Variants in FBP2 observed in about 807,000 individuals in gnomAD.
The protein encoded by FBP2 is fructose-bisphosphatase 2.
FBP2 carries 27 observed loss-of-function variants against 31.6 expected under a neutral mutation model. That is an observed-to-expected ratio of 0.85 (90% CI 0.63 to 1.18). FBP2 has a LOEUF of 1.18. Ranked by LOEUF, FBP2 falls within the 50% of genes most tolerant of loss-of-function variation. The pLI is 0.00. For synonymous variants in FBP2, 168 were observed against 179.8 expected (o/e 0.93, Z 0.53); for missense variants, 421 against 436.1 (o/e 0.97, Z 0.31).
rs149773069 is a variant in FBP2, at chr9:94,587,327, T to C, written c.313A>G (p.Ile105Val). Residue 105 changes from isoleucine to valine, a missense_variant, in exon 2 of 7, where the codon ATC becomes GTC. Physicochemically the swap from Ile to Val is conservative, Grantham distance 29 (BLOSUM62 3). Coordinates refer to ENST00000375337, the MANE Select transcript of FBP2 (RefSeq NM_003837.4). ...LVSEENKDAI[I>V]TAKEKRGKYV... is the part of the protein sequence containing the mutation. Reference sequence around the variant, plus strand: ...CGCACCCGCTTCTCCTTGGCGGTGATGATGGCGTCCTTATTCTCTTCTGAG... The same window carrying C: ...CGCACCCGCTTCTCCTTGGCGGTGACGATGGCGTCCTTATTCTCTTCTGAG... 1.2e-6 allele frequency: 2 copies of C among 1,611,884 alleles called. No individual in the cohort carries two copies. Among genetic ancestry groups the C allele is most frequent in the African/African-American group, 2.7e-5 (2 of 74,770 alleles).
chr9:94,582,605 T>G (rs568510149), intron 3 of FBP2, among the ~76,000 whole-genome samples: 1 of 149,784 alleles, frequency 6.7e-6, no homozygotes, highest in East Asian at 2.0e-4. Context: ...TAGAGTGCAG[T>G]GGCGCGATCT....
chr9:94,590,643 G>A (rs1028945695), intron 1 of FBP2, among the ~76,000 whole-genome samples: 1 of 152,180 alleles, frequency 6.6e-6, no homozygotes, highest in South Asian at 2.1e-4. Flanking sequence ...GAGTGTTACA[G>A]ATCATAAAAG....
intron 1 of FBP2, among the ~76,000 whole-genome samples, chr9:94,590,719 A>T (rs576800925): frequency 1.1e-3 from 170 of 152,332 alleles, no homozygotes; most frequent in African/African-American, 3.8e-3. Context: ...GTGTGGAAAG[A>T]GACCCAAACG....
chr9:94,590,774 T>G (rs183105619), intron 1 of FBP2, among the ~76,000 whole-genome samples: 156 of 152,356 alleles, frequency 1.0e-3, no homozygotes, highest in Admixed American at 1.8e-3. Flanking sequence ...TTCTCTTATC[T>G]GGCCCACCCA....
intron 6 of FBP2, among the ~76,000 whole-genome samples, chr9:94,560,784 A>G (rs1054464866): frequency 2.7e-5 from 4 of 148,208 alleles, no homozygotes; most frequent in Admixed American, 6.8e-5. Flanking sequence ...TATTTTTTCT[A>G]TTGTATATAT....
At chr9:94,561,612 G>T (rs533126699) in intron 6 of FBP2, among the ~76,000 whole-genome samples, 1 of 151,974 alleles carries the variant, frequency 6.6e-6, no homozygotes, top group Non-Finnish European at 1.5e-5. Flanking sequence ...TGATCCACCC[G>T]CCTTGGCCTC....
In FBP2 at chr9:94,577,444, A is replaced by G. The variant is rs897052883; in HGVS notation, c.427-5842T>C. ...GGGCAAATTACAACAAGAAAAATTC[A>G]GAGTTCAAATGGTTAACCTACACTG... On this transcript the variant is annotated intron_variant, in intron 3 of 6. Coordinates refer to ENST00000375337, the MANE Select transcript of FBP2 (RefSeq NM_003837.4). 7.9e-5 allele frequency: 12 copies of G among 152,362 alleles called. No homozygotes were observed. In the East Asian group the frequency reaches 2.3e-3, roughly 29 times the overall value. The allele number at this position is 152,362 out of a possible 1,614,324, so 9.4% of individuals were successfully genotyped here.
At chr9:94,580,676 G>A (rs1827365326) in intron 3 of FBP2, among the ~76,000 whole-genome samples, 1 of 152,026 alleles carries the variant, frequency 6.6e-6, no homozygotes, top group African/African-American at 2.4e-5. Flanking sequence ...CTTTCTGCTG[G>A]GGTTTACCAA....
chr9:94,584,744 C>A (rs577903671), intron 2 of FBP2, 75 bp from the exon 3 acceptor site: 44 of 875,582 alleles, frequency 5.0e-5, no homozygotes, highest in Admixed American at 1.1e-4. Context: ...CAGGGCTGTG[C>A]GTGGCAGAGT....
intron 4 of FBP2, among the ~76,000 whole-genome samples, chr9:94,571,115 G>A (rs1827264193): frequency 6.6e-6 from 1 of 152,166 alleles, no homozygotes; most frequent in African/African-American, 2.4e-5. Flanking sequence ...CTGCTCTAAC[G>A]AACCCATGCT....
intron 3 of FBP2, among the ~76,000 whole-genome samples, 194 bp downstream of exon 3, chr9:94,584,383 G>A (rs368327799): frequency 6.6e-6 from 1 of 152,226 alleles, no homozygotes; most frequent in Admixed American, 6.5e-5. Context: ...CAGAAAGTAG[G>A]CAGAGAAAGA....
At chr9:94,583,785 G>T (rs1014368747) in intron 3 of FBP2, among the ~76,000 whole-genome samples, 5 of 152,178 alleles carry the variant, frequency 3.3e-5, no homozygotes, top group Non-Finnish European at 5.9e-5. Context: ...TTTTAGTAGA[G>T]ACGGGGTTTC....
At chr9:94,581,007 T>A (rs1827367509) in intron 3 of FBP2, among the ~76,000 whole-genome samples, 1 of 152,212 alleles carries the variant, frequency 6.6e-6, no homozygotes, top group African/African-American at 2.4e-5. Context: ...CCAGTAAGAT[T>A]AATTTATTAA....
At chr9:94,587,903 C>A (rs956799069) in intron 1 of FBP2, among the ~76,000 whole-genome samples, 1 of 152,030 alleles carries the variant, frequency 6.6e-6, no homozygotes, top group Non-Finnish European at 1.5e-5. Context: ...GGCTGGAGTG[C>A]AGTGGCACGA....
At chr9:94,585,768 G>A (rs1457291832) in intron 2 of FBP2, among the ~76,000 whole-genome samples, 11 of 151,990 alleles carry the variant, frequency 7.2e-5, no homozygotes, top group African/African-American at 2.7e-4. Context: ...GACTACAGGT[G>A]CACACCACCA....
intron 5 of FBP2, among the ~76,000 whole-genome samples, chr9:94,565,385 A>AAAAG (rs773350863): frequency 0.059 from 7,954 of 134,836 alleles, 1,211 homozygotes; most frequent in African/African-American, 0.21. Context: ...AAAAAAAAAA[A>AAAAG]AGATGTTCCC....
intron 3 of FBP2, among the ~76,000 whole-genome samples, chr9:94,578,466 A>AT (rs1272648803): frequency 2.0e-5 from 3 of 152,160 alleles, no homozygotes; most frequent in Admixed American, 6.6e-5. Context: ...TTTTAAGTGA[A>AT]TTTTTTCTGT....
In FBP2 at chr9:94,587,190, A is replaced by G. The variant is rs1827436441; in HGVS notation, c.333+117T>C. On this transcript the variant is annotated intron_variant, in intron 2 of 6. Transcript: ENST00000375337. ...GAAGTATGTAATCCTTTGTTTCCAG[A>G]AAACAAATGTTAAGAAATAGAGGAG... The G allele has an allele frequency of 7.6e-6, 7 of 922,046 alleles. No homozygotes were observed. The South Asian group carries it at 1.1e-4, about 14-fold the overall frequency. The allele number at this position is 922,046 out of a possible 1,614,324, so 57.1% of individuals were successfully genotyped here.
At chr9:94,586,385 A>T (rs1262213823) in intron 2 of FBP2, among the ~76,000 whole-genome samples, 2 of 152,194 alleles carry the variant, frequency 1.3e-5, no homozygotes, top group African/African-American at 4.8e-5. Context: ...TCCGTCTCAA[A>T]AAAATAAATA....
Sources: allele counts gnomAD v4.1 joint callset (sites outside exome capture counted in the v4.1 genomes callset), GRCh38; gene constraint gnomAD v4.1.1; transcripts MANE v1.5; gene names NCBI Gene and HGNC (gene_info 2026-07-23, HGNC 2026-07-21).